CERK: variants seen among roughly 807,000 people sequenced by gnomAD.
CERK encodes ceramide kinase.
In CERK, 39 loss-of-function variants were observed where a neutral mutation model predicts 63.4. The observed-to-expected ratio is 0.61, with a 90% CI of 0.48 to 0.80. The LOEUF is 0.80. Ranked by LOEUF, CERK falls within the 30% of genes least tolerant of loss-of-function variation. The pLI is 0.00. For missense variants in CERK, 670 were observed against 714.1 expected, an observed-to-expected ratio of 0.94 and a Z score of 0.70; for synonymous variants, 302 against 280.0, an observed-to-expected ratio of 1.08 and a Z score of -0.78.
rs1162330326 is a variant in CERK at position 46,714,210 on chromosome 22, G to T, written c.380-1917C>A. ...CACTTGAACCCAGGAAGTGGAGGTT[G>T]CAGTGAGCCAAGATCGCGCCATTGC... On this transcript the variant is annotated intron_variant, in intron 3 of 12. Coordinates refer to ENST00000216264, the MANE Select transcript of CERK (RefSeq NM_022766.6). This position sits in a 1 kb window ranked among gnomAD's most constrained non-coding sequence, Gnocchi z 4.4. Among the ~76,000 whole-genome samples the T allele has an allele frequency of 6.6e-6, 1 of 152,218 alleles. No individual in the cohort carries two copies. Among genetic ancestry groups the T allele is most frequent in the African/African-American group, 2.4e-5 (1 of 41,458 alleles).
intron 5 of CERK, among the ~76,000 whole-genome samples, chr22:46,708,443 A>C (rs1193310215): frequency 7.9e-5 from 12 of 152,264 alleles, no homozygotes; most frequent in Non-Finnish European, 2.9e-5. Context: ...CTGGCTGTGC[A>C]GCCTTGCTCT....
intron 12 of CERK, 114 bp downstream of exon 12, chr22:46,689,878 C>T (rs560754128): frequency 9.1e-6 from 6 of 662,032 alleles, no homozygotes; most frequent in East Asian, 2.8e-5. Context: ...AACATTCTTA[C>T]GTTTTGTGTT....
rs993815760 is a variant in CERK at position 46,701,139 on chromosome 22, C to T, written c.790+497G>A. On this transcript the variant is annotated intron_variant, in intron 7 of 12. Transcript: ENST00000216264. Reference sequence around the variant, plus strand: ...GCACAAAAGATCTGTCCTGCCAGAGCCCACCGTGCTGAGTGCCATGGGCAG... The same window carrying T: ...GCACAAAAGATCTGTCCTGCCAGAGTCCACCGTGCTGAGTGCCATGGGCAG... 5.3e-5 allele frequency among the ~76,000 whole-genome samples: 8 copies of T among 152,370 alleles called. No individual in the cohort carries two copies. The South Asian group carries it at 1.2e-3, about 24-fold the overall frequency.
At chr22:46,732,499 C>T (rs767353263) in intron 1 of CERK, among the ~76,000 whole-genome samples, 6 of 151,636 alleles carry the variant, frequency 4.0e-5, no homozygotes, top group Non-Finnish European at 7.4e-5. Flanking sequence ...TGTATCTTCT[C>T]GAGTATGAAA....
At chr22:46,717,397 G>A (rs1169725016) in intron 3 of CERK, among the ~76,000 whole-genome samples, 3 of 152,256 alleles carry the variant, frequency 2.0e-5, no homozygotes, top group Non-Finnish European at 2.9e-5. Flanking sequence ...ACTGTACCAT[G>A]GGTGAATAAA....
intron 10 of CERK, 98 bp downstream of exon 10, chr22:46,693,329 C>T (rs2082740823): frequency 3.1e-6 from 3 of 965,946 alleles, no homozygotes; most frequent in Non-Finnish European, 5.0e-6. Flanking sequence ...AGGAAAAGCA[C>T]AGGTGGGCAG....
chr22:46,715,097 T>A (rs957413479), intron 3 of CERK, among the ~76,000 whole-genome samples: 9 of 152,120 alleles, frequency 5.9e-5, no homozygotes, highest in Non-Finnish European at 1.2e-4. Context: ...AAAGTAGGAT[T>A]AAAAGGAAAT....
rs1201994132 is a variant in CERK, at chr22:46,685,024, A to ATTGT, written c.*2106_*2109dup. ...CTTTGGCCTGGACTGTTTTGCTAAA[A>ATTGT]TTGTTAGTGGGTTTTGGGGCAGGCC... On this transcript the variant is annotated 3_prime_UTR_variant, in exon 13 of 13. Transcript: ENST00000216264. 1 of 151,910 alleles carries ATTGT rather than the reference A, an allele frequency of 6.6e-6. No homozygotes were observed. The highest frequency in any genetic ancestry group is 1.5e-5 in the Non-Finnish European group (1 of 67,992). The allele number at this position is 151,910 out of a possible 1,614,324, so 9.4% of individuals were successfully genotyped here.
intron 6 of CERK, among the ~76,000 whole-genome samples, chr22:46,702,106 G>A (rs1269556712): frequency 2.6e-5 from 4 of 151,220 alleles, no homozygotes; most frequent in Admixed American, 6.6e-5. Flanking sequence ...GCTTGATCCC[G>A]GGAGGCAAAG....
chr22:46,712,785 C>A (rs921136932), intron 3 of CERK, among the ~76,000 whole-genome samples: 1 of 152,090 alleles, frequency 6.6e-6, no homozygotes, highest in African/African-American at 2.4e-5. Flanking sequence ...TCCATCTCTC[C>A]AGGGGCCCCG....
intron 5 of CERK, among the ~76,000 whole-genome samples, chr22:46,709,661 T>G (rs943180175): frequency 1.3e-5 from 2 of 152,190 alleles, no homozygotes; most frequent in African/African-American, 4.8e-5. Context: ...TATAACACAT[T>G]GCTCACCGAC....
At position 46,693,426 on chromosome 22, in the gene CERK, C is replaced by T. The variant is rs758672728; in HGVS notation, c.1126+1G>A. The T allele has an allele frequency of 6.2e-7, 1 of 1,613,830 alleles. No homozygotes were observed. The highest frequency in any genetic ancestry group is 8.5e-7 in the Non-Finnish European group (1 of 1,179,720). ...CACTGAGCCTGTGTTTTAGGAATTACCCGCAGCTTCCAAACCATACAGTGC... is the reference window on the plus strand; with the variant it reads ...CACTGAGCCTGTGTTTTAGGAATTATCCGCAGCTTCCAAACCATACAGTGC... On this transcript the variant is annotated splice_donor_variant, in intron 10 of 12. Transcript: ENST00000216264. LOFTEE classifies it high-confidence loss of function.
At position 46,711,167 on chromosome 22, in the gene CERK, A is replaced by C; in HGVS notation, c.506-18T>G. The C allele has an allele frequency of 2.5e-6, 4 of 1,593,662 alleles. No individual in the cohort carries two copies. The highest frequency in any genetic ancestry group is 3.4e-6 in the Non-Finnish European group (4 of 1,161,360). On this transcript the variant is annotated intron_variant, in intron 4 of 12. Transcript: ENST00000216264. Reference sequence around the variant, plus strand: ...TTCAGTAACTGTGGGGAAAAATTACATCACACAGTTTATATTCACATCTGT... The same window carrying C: ...TTCAGTAACTGTGGGGAAAAATTACCTCACACAGTTTATATTCACATCTGT...
At chr22:46,721,909 C>A (rs1485949339) in intron 1 of CERK, among the ~76,000 whole-genome samples, 1 of 152,186 alleles carries the variant, frequency 6.6e-6, no homozygotes, top group Admixed American at 6.5e-5. Flanking sequence ...ATCTGCTGGG[C>A]AGCTGTAATT....
chr22:46,693,550 G>T, intron 9 of CERK, 47 bp from the exon 10 acceptor site: 1 of 1,469,178 alleles, frequency 6.8e-7, no homozygotes, highest in Non-Finnish European at 9.5e-7. Context: ...AGCTGCAGGT[G>T]CAGTGCGTAT....
chr22:46,716,260 G>A (rs987229195), intron 3 of CERK, among the ~76,000 whole-genome samples: 5 of 149,502 alleles, frequency 3.3e-5, no homozygotes, highest in African/African-American at 4.9e-5. Flanking sequence ...GCATGATCTC[G>A]ACTCACTGCA....
At position 46,724,683 on chromosome 22, in the gene CERK, G is replaced by C. The variant is rs140721932; in HGVS notation, c.143-3668C>G. Among the ~76,000 whole-genome samples, 14 of 152,306 alleles carry C rather than the reference G, an allele frequency of 9.2e-5. No individual in the cohort carries two copies. In the East Asian group the frequency reaches 2.5e-3, roughly 27 times the overall value. On this transcript the variant is annotated intron_variant, in intron 1 of 12. Transcript: ENST00000216264. ...AAGATAAAGGGTGAAAAAGTTTCAA[G>C]CACAAAAATGTCCGATAAATGATGG...
intron 1 of CERK, among the ~76,000 whole-genome samples, chr22:46,726,954 T>C (rs1438199579): frequency 1.3e-5 from 2 of 152,228 alleles, no homozygotes; most frequent in East Asian, 3.8e-4. Flanking sequence ...CATACAGGGA[T>C]GCGCCCAAGT....
At chr22:46,707,561 G>T (rs1042688644) in intron 6 of CERK, among the ~76,000 whole-genome samples, 1 of 152,190 alleles carries the variant, frequency 6.6e-6, no homozygotes, top group East Asian at 1.9e-4. Flanking sequence ...CCCGGGCACC[G>T]GGGGTTCCCC....
Sources: gnomAD v4.1 joint callset for allele counts (sites outside exome capture counted in the v4.1 genomes callset) on GRCh38, gnomAD v4.1.1 for gene constraint, Gnocchi (gnomAD v3.1) non-coding constraint, MANE v1.5 for transcripts, NCBI Gene and HGNC (gene_info 2026-07-23, HGNC 2026-07-21) for gene names.